KCNG4: variants seen among roughly 807,000 people sequenced by gnomAD.
KCNG4 encodes the protein voltage-gated potassium channel regulatory subunit KCNG4.
Under a neutral mutation model 28.2 loss-of-function variants are expected in KCNG4, and 30 were observed. That is an observed-to-expected ratio of 1.06 (90% CI 0.80 to 1.44). KCNG4 has a LOEUF of 1.44. KCNG4 is among the 40% of genes most tolerant of loss of function. The pLI is 0.00. For synonymous variants in KCNG4, 375 were observed against 315.5 expected (o/e 1.19, Z -2.00); for missense variants, 879 against 712.3 (o/e 1.23, Z -2.66).
In KCNG4 at chr16:84,222,263, T is replaced by G. The variant is rs760980516; in HGVS notation, c.1514A>C (p.Asn505Thr). The G allele has an allele frequency of 1.2e-6, 2 of 1,614,184 alleles. No homozygotes were observed. Among genetic ancestry groups the G allele is most frequent in the South Asian group, 2.2e-5 (2 of 91,084 alleles). Residue 505 changes from asparagine to threonine, a missense_variant, in exon 3 of 3, where the codon AAT (asparagine) becomes ACT (threonine). Asn to Thr is a moderately conservative substitution (Grantham distance 65). Coordinates refer to ENST00000308251, the MANE Select transcript of KCNG4 (RefSeq NM_172347.3). Reference protein sequence around the residue: ...ASEHELMNDVNDLILEGPALP... With the variant: ...ASEHELMNDVTDLILEGPALP... ...GGCTGGGCCCTCCAGGATTAGGTCA[T>G]TGACATCGTTCATGAGCTCATGTTC...
intron 2 of KCNG4, among the ~76,000 whole-genome samples, chr16:84,231,871 T>C (rs190435030): frequency 6.6e-6 from 1 of 151,936 alleles, no homozygotes; most frequent in Non-Finnish European, 1.5e-5. Context: ...GGGGATGGTG[T>C]TGGGTGCCTA....
Position 84,223,019 on chromosome 16 carries a change from C to T in KCNG4, c.758G>A (p.Gly253Asp), listed in dbSNP as rs1268286315. The T allele has an allele frequency of 6.6e-7, 1 of 1,519,704 alleles. No individual in the cohort carries two copies. The highest frequency in any genetic ancestry group is 2.2e-5 in the Admixed American group (1 of 45,442). The allele number at this position is 1,519,704 out of a possible 1,614,324, so 94.1% of individuals were successfully genotyped here. ...ATAGTAGCACTTCCGAGAGCATTCG[C>T]CCTGCGGGGAGAAGAGGCAACAACG... is the stretch of plus-strand genomic sequence containing the variant. ...MPDLRAEEDQ[G>D]ECSRKCYYIF... The change falls in exon 3 of 3, where the codon GGC becomes GAC. Residue 253 changes from glycine to aspartate, a missense_variant and splice_region_variant. Coordinates refer to ENST00000308251, the MANE Select transcript of KCNG4 (RefSeq NM_172347.3).
chr16:84,229,384 A>C (rs1904772893), intron 2 of KCNG4, among the ~76,000 whole-genome samples: 1 of 152,210 alleles, frequency 6.6e-6, no homozygotes, highest in African/African-American at 2.4e-5. Flanking sequence ...CTTGAGACCC[A>C]GTTTTCTGAT....
chr16:84,236,865 C>A lies in KCNG4; in HGVS notation c.621G>T (p.Leu207=). ...ACTGCGGGTTTTCCACCATCTCGCGCAGCCGGTTCATGCACAGGCCCCAGC... is the reference window on the plus strand; with the variant it reads ...ACTGCGGGTTTTCCACCATCTCGCGAAGCCGGTTCATGCACAGGCCCCAGC... ...SSRWGLCMNR[L]REMVENPQSG... The change falls in exon 2 of 3, where the codon CTG becomes CTT. Residue 207 remains leucine (L), a synonymous_variant. Transcript: ENST00000308251. The A allele has an allele frequency of 1.2e-6, 2 of 1,613,592 alleles. No individual in the cohort carries two copies. The highest frequency in any genetic ancestry group is 1.3e-5 in the African/African-American group (1 of 75,078).
rs1904980034 is a variant in KCNG4 at position 84,237,050 on chromosome 16, C to T, written c.436G>A (p.Glu146Lys). 6.2e-7 allele frequency: 1 copy of T among 1,614,150 alleles called. No individual in the cohort carries two copies. The highest frequency in any genetic ancestry group is 8.5e-7 in the Non-Finnish European group (1 of 1,180,030). ...TCCTCGATGCCCCAGTAGGCCAGCT[C>T]CTCCTGGAAGGACAGCGCGCACATC... ...QEMCALSFQE[E>K]LAYWGIEEAH... The change falls in exon 2 of 3, where the codon GAG becomes AAG. Residue 146 changes from glutamate to lysine, a missense_variant. Physicochemically the swap from Glu to Lys is moderately conservative, Grantham distance 56. Coordinates refer to ENST00000308251, the MANE Select transcript of KCNG4 (RefSeq NM_172347.3).
At chr16:84,225,708 G>T (rs1567624393) in intron 2 of KCNG4, among the ~76,000 whole-genome samples, 2 of 152,228 alleles carry the variant, frequency 1.3e-5, no homozygotes, top group African/African-American at 4.8e-5. Context: ...GCGCTGCCAG[G>T]TCCTCCTCCT....
In KCNG4 at chr16:84,219,208, T is replaced by G. The variant is rs1459419668; in HGVS notation, c.*3009A>C. The G allele has an allele frequency of 2.0e-5, 3 of 152,276 alleles. No individual in the cohort carries two copies. The highest frequency in any genetic ancestry group is 4.4e-5 in the Non-Finnish European group (3 of 68,066). The allele number at this position is 152,276 out of a possible 1,614,324, so 9.4% of individuals were successfully genotyped here. A position where few individuals can be genotyped will look rare whatever the true frequency, so the allele number is the denominator to read the frequency against. On this transcript the variant is annotated 3_prime_UTR_variant, in exon 3 of 3. Transcript: ENST00000308251. ...CTGCCTGCTTTGCTGCTGGTCTTCT[T>G]CATCCGCAGGACAGTCCCTGAGCTT...
chr16:84,233,106 G>A (rs1904865072), intron 2 of KCNG4, among the ~76,000 whole-genome samples: 1 of 152,072 alleles, frequency 6.6e-6, no homozygotes, highest in Non-Finnish European at 1.5e-5. Context: ...TCAGTATGAC[G>A]GACTTTCGCT....
In KCNG4 at chr16:84,221,001, C is replaced by G. The variant is rs1904543766; in HGVS notation, c.*1216G>C. ...CTCTACTCTCCAGCCCTGCCCATGT[C>G]TCTGTGAGGCCTTTGGGAGCCCACT... On this transcript the variant is annotated 3_prime_UTR_variant, in exon 3 of 3. Transcript: ENST00000308251. The G allele has an allele frequency of 6.6e-6, 1 of 152,326 alleles. No individual in the cohort carries two copies. The highest frequency in any genetic ancestry group is 2.4e-5 in the African/African-American group (1 of 41,442). 9.4% of individuals were successfully genotyped at this position (152,326 alleles called of 1,614,324 possible).
intron 2 of KCNG4, among the ~76,000 whole-genome samples, chr16:84,230,081 C>G (rs1904790926): frequency 6.6e-6 from 1 of 151,920 alleles, no homozygotes; most frequent in African/African-American, 2.4e-5. Flanking sequence ...GGGGAGGAGG[C>G]CCCAAGAGTC....
At position 84,237,006 on chromosome 16, in the gene KCNG4, G is replaced by A; in HGVS notation, c.480C>T (p.Cys160=). 2.5e-6 allele frequency: 4 copies of A among 1,613,796 alleles called. No homozygotes were observed. Among genetic ancestry groups the A allele is most frequent in the Non-Finnish European group, 3.4e-6 (4 of 1,179,976 alleles). The change falls in exon 2 of 3, where the codon TGC becomes TGT. Residue 160 remains cysteine, a synonymous_variant. Coordinates refer to ENST00000308251, the MANE Select transcript of KCNG4 (RefSeq NM_172347.3). ...WGIEEAHLER[C]CLRKLLRKLE... Reference sequence around the variant, plus strand: ...GCTTCCTCAGCAGCTTCCGCAGGCAGCACCTCTCCAGGTGGGCCTCCTCGA... The same window carrying A: ...GCTTCCTCAGCAGCTTCCGCAGGCAACACCTCTCCAGGTGGGCCTCCTCGA...
Position 84,221,797 on chromosome 16 carries a change from T to G in KCNG4, c.*420A>C, listed in dbSNP as rs1904567575. On this transcript the variant is annotated 3_prime_UTR_variant, in exon 3 of 3. Transcript: ENST00000308251. Reference sequence around the variant, plus strand: ...TGACTGGACCTTTGATTTCCAGTGGTGGCATGGCCCAGGAAGGAGGGTCTT... The same window carrying G: ...TGACTGGACCTTTGATTTCCAGTGGGGGCATGGCCCAGGAAGGAGGGTCTT... 3.9e-5 allele frequency: 7 copies of G among 181,356 alleles called. No individual in the cohort carries two copies. The allele number at this position is 181,356 out of a possible 1,614,324, so 11.2% of individuals were successfully genotyped here.
At chr16:84,233,040 A>C (rs1017636175) in intron 2 of KCNG4, among the ~76,000 whole-genome samples, 3 of 152,154 alleles carry the variant, frequency 2.0e-5, no homozygotes, top group African/African-American at 4.8e-5. Context: ...TAAAGGATGA[A>C]TGTTTGGTTT....
At chr16:84,231,339 C>G (rs958758428) in intron 2 of KCNG4, among the ~76,000 whole-genome samples, 28 of 152,132 alleles carry the variant, frequency 1.8e-4, no homozygotes, top group Admixed American at 1.8e-3. Flanking sequence ...CTTACCCTGA[C>G]CTGATACTAT....
intron 2 of KCNG4, among the ~76,000 whole-genome samples, chr16:84,234,651 C>A (rs983955991): frequency 1.3e-5 from 2 of 152,082 alleles, no homozygotes; most frequent in African/African-American, 4.8e-5. Flanking sequence ...GGATCTGTTC[C>A]CCCACCCATC....
intron 2 of KCNG4, chr16:84,236,529 C>T: frequency 1.4e-6 from 1 of 735,986 alleles, no homozygotes. Context: ...TTTGCCTTTG[C>T]AGGACTCCAA....
At chr16:84,223,085 G>C in intron 2 of KCNG4, 65 bp from the exon 3 acceptor site, 3 of 1,300,810 alleles carry the variant, frequency 2.3e-6, no homozygotes, top group Non-Finnish European at 3.1e-6. Context: ...GGAAATCGGG[G>C]GACGACTTCA....
In KCNG4 at chr16:84,219,846, C is replaced by T. The variant is rs1305627234; in HGVS notation, c.*2371G>A. The T allele has an allele frequency of 6.6e-6, 1 of 152,076 alleles. No individual in the cohort carries two copies. Among genetic ancestry groups the T allele is most frequent in the Non-Finnish European group, 1.5e-5 (1 of 68,036 alleles). 9.4% of individuals were successfully genotyped at this position (152,076 alleles called of 1,614,324 possible). On this transcript the variant is annotated 3_prime_UTR_variant, in exon 3 of 3. Coordinates refer to ENST00000308251, the MANE Select transcript of KCNG4 (RefSeq NM_172347.3). Reference sequence around the variant, plus strand: ...CTGACATCAGGAGTTCAAGACCAGCCTGTCCACATGGTGAAACCTTGTCTC... The same window carrying T: ...CTGACATCAGGAGTTCAAGACCAGCTTGTCCACATGGTGAAACCTTGTCTC...
rs1216040771 is a variant in KCNG4 at position 84,239,788 on chromosome 16, C to G, written c.-159G>C. 6.6e-6 allele frequency: 1 copy of G among 152,048 alleles called. No individual in the cohort carries two copies. The highest frequency in any genetic ancestry group is 1.9e-4 in the East Asian group (1 of 5,154). 9.4% of individuals were successfully genotyped at this position (152,048 alleles called of 1,614,324 possible). A position where few individuals can be genotyped will look rare whatever the true frequency, so the allele number is the denominator to read the frequency against. ...GAGATGAAGGGGAAGAAAAAAATCC[C>G]CAAAACAGCAGTTTCTAGCAGAGTC... is the stretch of plus-strand genomic sequence containing the variant. On this transcript the variant is annotated 5_prime_UTR_variant, in exon 1 of 3. Coordinates refer to ENST00000308251, the MANE Select transcript of KCNG4 (RefSeq NM_172347.3).
Sources: allele counts gnomAD v4.1 joint callset (sites outside exome capture counted in the v4.1 genomes callset), GRCh38; gene constraint gnomAD v4.1.1; transcripts MANE v1.5; gene names NCBI Gene and HGNC (gene_info 2026-07-23, HGNC 2026-07-21).